Variants in PDZK1 observed in about 807,000 individuals in gnomAD.
PDZK1 encodes Na(+)/H(+) exchange regulatory cofactor NHE-RF3.
A neutral mutation model predicts 38.1 loss-of-function variants in PDZK1; 23 were observed. That is an observed-to-expected ratio of 0.60 (90% confidence interval 0.43 to 0.85). The LOEUF (loss-of-function observed/expected upper bound fraction) is 0.85. PDZK1 is among the 40% of genes least tolerant of loss of function. The probability of loss-of-function intolerance (pLI) is 0.00; values close to 1 mark genes in which losing one functional copy is unlikely to be tolerated. For missense variants in PDZK1, 297 were observed against 504.3 expected (o/e 0.59, Z 3.94); for synonymous variants, 98 against 186.2 (o/e 0.53, Z 3.86).
chr1:145,680,560 T>G (rs1264627578), intron 5 of PDZK1, among the ~76,000 whole-genome samples: 1 of 152,072 alleles, frequency 6.6e-6, no homozygotes, highest in Non-Finnish European at 1.5e-5. Context: ...AGTGACATCG[T>G]GTTAGTAAGT....
intron 5 of PDZK1, among the ~76,000 whole-genome samples, 162 bp from the exon 6 acceptor site, chr1:145,678,807 C>T (rs587657890): frequency 5.0e-5 from 7 of 140,050 alleles, no homozygotes; most frequent in African/African-American, 1.8e-4. Context: ...CTTATAAGCA[C>T]ACTATCTAGG....
intron 1 of PDZK1, among the ~76,000 whole-genome samples, chr1:145,692,953 G>C (rs1003706034): frequency 5.3e-5 from 8 of 152,070 alleles, no homozygotes; most frequent in African/African-American, 1.7e-4. Flanking sequence ...GGAGCTTGCA[G>C]TAAGCCAAGA....
chr1:145,673,139 C>G (rs1571568338), intron 7 of PDZK1, 119 bp from the exon 8 acceptor site: 1 of 716,088 alleles, frequency 1.4e-6, no homozygotes, highest in African/African-American at 1.8e-5. Flanking sequence ...TATTATTTCT[C>G]CTTGAGGTAT....
At chr1:145,692,665 C>T (rs1655311788) in intron 1 of PDZK1, among the ~76,000 whole-genome samples, 2 of 149,862 alleles carry the variant, frequency 1.3e-5, no homozygotes, top group East Asian at 2.0e-4. Flanking sequence ...GAGCCAAAAT[C>T]GTGCCAGTGC....
intron 1 of PDZK1, among the ~76,000 whole-genome samples, chr1:145,699,169 C>G (rs1559078948): frequency 6.6e-6 from 1 of 151,958 alleles, no homozygotes; most frequent in South Asian, 2.1e-4. Context: ...ACCCAGGAGG[C>G]AAAGGTTGCA....
intron 1 of PDZK1, among the ~76,000 whole-genome samples, chr1:145,705,095 A>G (rs1656174068): frequency 6.6e-6 from 1 of 150,534 alleles, no homozygotes; most frequent in Admixed American, 6.7e-5. Flanking sequence ...AAAAGAGATG[A>G]TTTTTTTTTT....
At chr1:145,694,838 A>G (rs1459503805) in intron 1 of PDZK1, among the ~76,000 whole-genome samples, 1 of 137,610 alleles carries the variant, frequency 7.3e-6, no homozygotes, top group East Asian at 2.4e-4. Context: ...TGGAGGTTAC[A>G]GTGTGCTGAG....
At chr1:145,693,350 A>G (rs1655391368) in intron 1 of PDZK1, among the ~76,000 whole-genome samples, 1 of 152,194 alleles carries the variant, frequency 6.6e-6, no homozygotes, top group African/African-American at 2.4e-5. Context: ...TACAAGTTTG[A>G]TTCTCAATCC....
intron 1 of PDZK1, among the ~76,000 whole-genome samples, chr1:145,694,368 A>G (rs1655491620): frequency 6.6e-6 from 1 of 152,184 alleles, no homozygotes; most frequent in African/African-American, 2.4e-5. Context: ...TAGTTTCTTC[A>G]GTTAGCATGC....
At chr1:145,682,957 A>C (rs1209984017) in intron 3 of PDZK1, among the ~76,000 whole-genome samples, 2 of 152,152 alleles carry the variant, frequency 1.3e-5, no homozygotes, top group African/African-American at 2.4e-5. Flanking sequence ...TGGCTGTCCA[A>C]GACCATGCTT....
chr1:145,671,683 C>T, intron 8 of PDZK1, 194 bp from the exon 9 acceptor site: 1 of 547,984 alleles, frequency 1.8e-6, no homozygotes, highest in Non-Finnish European at 3.3e-6. Context: ...TAATGGGAAC[C>T]CCCAGAAGAG....
chr1:145,681,577 C>T (rs1480535348), intron 4 of PDZK1, among the ~76,000 whole-genome samples: 2 of 144,568 alleles, frequency 1.4e-5, no homozygotes, highest in South Asian at 2.2e-4. Context: ...CGTGAGCCAC[C>T]GCGCCCGGCC....
chr1:145,705,999 C>T (rs12133834), intron 1 of PDZK1, among the ~76,000 whole-genome samples: 16,583 of 152,216 alleles, frequency 0.11, 1,242 homozygotes, highest in Non-Finnish European at 0.17. Context: ...AGTGATCCTC[C>T]CGCTTGGGCA....
At chr1:145,699,508 T>C (rs985701798) in intron 1 of PDZK1, among the ~76,000 whole-genome samples, 2 of 152,102 alleles carry the variant, frequency 1.3e-5, no homozygotes, top group Admixed American at 6.6e-5. Flanking sequence ...CCAACATGAA[T>C]TGGCAGATAA....
chr1:145,690,079 G>C (rs1553702852), intron 1 of PDZK1, among the ~76,000 whole-genome samples: 1 of 152,220 alleles, frequency 6.6e-6, no homozygotes. Flanking sequence ...CCTTGGGAGA[G>C]CTAGGCAGCT....
At chr1:145,705,357 C>G (rs1490737818) in intron 1 of PDZK1, among the ~76,000 whole-genome samples, 3 of 152,168 alleles carry the variant, frequency 2.0e-5, no homozygotes, top group Non-Finnish European at 4.4e-5. Flanking sequence ...TCCCAAAGTG[C>G]TGGGATTACA....
At chr1:145,689,314 A>G (rs782390384) in intron 1 of PDZK1, among the ~76,000 whole-genome samples, 4 of 152,182 alleles carry the variant, frequency 2.6e-5, no homozygotes, top group Non-Finnish European at 5.9e-5. Context: ...CCTGGGCTCA[A>G]GTGATCTTCA....
At chr1:145,687,148 C>T (rs1040122407) in intron 2 of PDZK1, among the ~76,000 whole-genome samples, 2 of 152,108 alleles carry the variant, frequency 1.3e-5, no homozygotes. Flanking sequence ...GCTAAGATAT[C>T]TGTACTTAGC....
chr1:145,706,232 T>TG (rs1430834787), intron 1 of PDZK1, among the ~76,000 whole-genome samples: 1 of 152,334 alleles, frequency 6.6e-6, no homozygotes, highest in East Asian at 1.9e-4. Context: ...TTCTTTCCCC[T>TG]GGGGGAGAAG....
Sources: allele counts gnomAD v4.1 joint callset (sites outside exome capture counted in the v4.1 genomes callset), GRCh38; gene constraint gnomAD v4.1.1; transcripts MANE v1.5; gene names NCBI Gene and HGNC (gene_info 2026-07-23, HGNC 2026-07-21).